The following KCNQ1 variants were observed in gnomAD, a reference collection of about 807,000 sequenced individuals.
KCNQ1 encodes the protein potassium voltage-gated channel subfamily KQT member 1.
In KCNQ1, 49 loss-of-function variants were observed where a neutral mutation model predicts 72.4. That is an observed-to-expected ratio of 0.68 (90% CI 0.54 to 0.86). The LOEUF is 0.86. Ranked by LOEUF, KCNQ1 falls within the 40% of genes least tolerant of loss-of-function variation. The pLI is 0.00. For missense variants in KCNQ1, 790 were observed against 945.1 expected (o/e 0.84, Z 2.15); for synonymous variants, 450 against 412.6 (o/e 1.09, Z -1.10).
rs116550923 is a variant in KCNQ1, at chr11:2,803,151, C to G, written c.1794+25114C>G. ...CTCAGGGTAGCCCAGAAAACCCAGC[C>G]GGGCCCCCCCCCCCACGGGCACCCA... On this transcript the variant is annotated intron_variant, in intron 15 of 15. Transcript: ENST00000155840. The surrounding 1 kb of genome is among the most constrained non-coding windows in gnomAD (Gnocchi z 6.4). Among the ~76,000 whole-genome samples, 1 of 63,676 alleles carries G rather than the reference C, an allele frequency of 1.6e-5. No homozygotes were observed. Among genetic ancestry groups the G allele is most frequent in the Non-Finnish European group, 3.5e-5 (1 of 28,578 alleles). 41.8% of individuals were successfully genotyped at this position (63,676 alleles called of 152,430 possible). A position where few individuals can be genotyped will look rare whatever the true frequency, so the allele number is the denominator to read the frequency against.
chr11:2,719,650 G>A (rs1851170239), intron 11 of KCNQ1, among the ~76,000 whole-genome samples: 1 of 152,212 alleles, frequency 6.6e-6, no homozygotes, highest in African/African-American at 2.4e-5. Context: ...CCTTGCTGGT[G>A]GTGGAAGGCC....
At chr11:2,705,670 G>A (rs369392130) in intron 11 of KCNQ1, among the ~76,000 whole-genome samples, 5 of 152,190 alleles carry the variant, frequency 3.3e-5, no homozygotes, top group African/African-American at 9.7e-5. Context: ...AGCCTGCCAG[G>A]GAAAAGTGGG....
At position 2,445,216 on chromosome 11, in the gene KCNQ1, C is replaced by T; in HGVS notation, c.118C>T (p.Leu40=). The change falls in exon 1 of 16, where the codon CTG becomes TTG. Residue 40 remains leucine (L), a synonymous_variant. Coordinates refer to ENST00000155840, the MANE Select transcript of KCNQ1 (RefSeq NM_000218.3). The stretch of plus-strand genomic sequence containing the variant: ...CAAGAAGTGCCCCTTCTCGCTGGAG[C>T]TGGCGGAGGGCGGCCCGGCGGGCGG... The part of the protein sequence containing the change: ...LAKKCPFSLE[L]AEGGPAGGAL... 1 of 1,140,602 alleles carries T rather than the reference C, an allele frequency of 8.8e-7. No homozygotes were observed. The highest frequency in any genetic ancestry group is 4.1e-5 in the Admixed American group (1 of 24,314). 70.7% of individuals were successfully genotyped at this position (1,140,602 alleles called of 1,614,324 possible).
chr11:2,833,360 C>T (rs1488805823), intron 15 of KCNQ1, among the ~76,000 whole-genome samples: 1 of 152,190 alleles, frequency 6.6e-6, no homozygotes, highest in Non-Finnish European at 1.5e-5. Flanking sequence ...CCCACATGCC[C>T]CACCCCTCTC....
chr11:2,739,673 T>C (rs1050508032), intron 11 of KCNQ1, among the ~76,000 whole-genome samples: 1 of 152,246 alleles, frequency 6.6e-6, no homozygotes, highest in African/African-American at 2.4e-5. Context: ...TCCACGGCAC[T>C]GGGCCCGCAG....
At chr11:2,786,949 G>GT (rs5789272) in intron 15 of KCNQ1, among the ~76,000 whole-genome samples, 20,441 of 120,262 alleles carry the variant, frequency 0.17, 1,760 homozygotes, top group African/African-American at 0.19. Context: ...TTTCGTTTCT[G>GT]TTTTTTTTTT....
In KCNQ1 at chr11:2,559,551, A is replaced by G. The variant is rs575156191; in HGVS notation, c.478-11077A>G. Reference sequence around the variant, plus strand: ...GGGGACCAGACGACAGCTGTCACCCACTTGCAGGGCCCGGCTGCCCGGTGG... The same window carrying G: ...GGGGACCAGACGACAGCTGTCACCCGCTTGCAGGGCCCGGCTGCCCGGTGG... On this transcript the variant is annotated intron_variant, in intron 2 of 15. Coordinates refer to ENST00000155840, the MANE Select transcript of KCNQ1 (RefSeq NM_000218.3). This position sits in a 1 kb window ranked among gnomAD's most constrained non-coding sequence, Gnocchi z 4.9. 2.8e-4 allele frequency among the ~76,000 whole-genome samples: 42 copies of G among 152,298 alleles called. No individual in the cohort carries two copies. In the South Asian group the frequency reaches 3.7e-3, roughly 14 times the overall value.
chr11:2,561,981 CAG>C (rs1014216258), intron 2 of KCNQ1, among the ~76,000 whole-genome samples: 8 of 152,184 alleles, frequency 5.3e-5, no homozygotes, highest in Non-Finnish European at 1.0e-4. Flanking sequence ...AAGGCTGCCT[CAG>C]GGTGGCACCC....
rs775005856 is a variant in KCNQ1 at position 2,775,910 on chromosome 11, A to G, written c.1591-50A>G. ...TGTCACTGCCTGCACTTTGAGCCAC[A>G]TGGCTGGGGCACAGGGAGGAGAAGT... is the stretch of plus-strand genomic sequence containing the variant. On this transcript the variant is annotated intron_variant, in intron 12 of 15. Coordinates refer to ENST00000155840, the MANE Select transcript of KCNQ1 (RefSeq NM_000218.3). 21 of 1,536,266 alleles carry G rather than the reference A, an allele frequency of 1.4e-5. No individual in the cohort carries two copies. The South Asian group carries it at 1.9e-4, about 14-fold the overall frequency.
In KCNQ1 at chr11:2,813,906, G is replaced by T. The variant is rs117267857; in HGVS notation, c.1795-33861G>T. On this transcript the variant is annotated intron_variant, in intron 15 of 15. Coordinates refer to ENST00000155840, the MANE Select transcript of KCNQ1 (RefSeq NM_000218.3). The surrounding 1 kb of genome is among the most constrained non-coding windows in gnomAD (Gnocchi z 4.4). ...AGGGATGCGTGGAAGGATGGTTGAT[G>T]GATGGATGGTTAGATGGATGAAGAG... Among the ~76,000 whole-genome samples the T allele has an allele frequency of 1.3e-5, 2 of 152,060 alleles. No individual in the cohort carries two copies. The highest frequency in any genetic ancestry group is 4.8e-5 in the African/African-American group (2 of 41,396).
At position 2,782,228 on chromosome 11, in the gene KCNQ1, T is replaced by A. The variant is rs1699779996; in HGVS notation, c.1794+4191T>A. ...CCCTGCTGAGTTCAGGCCTTTATCA[T>A]CTCTTACTTGGATTATTTTTCCAGC... On this transcript the variant is annotated intron_variant, in intron 15 of 15. Transcript: ENST00000155840. This position sits in a 1 kb window ranked among gnomAD's most constrained non-coding sequence, Gnocchi z 6.1. Among the ~76,000 whole-genome samples, 1 of 152,130 alleles carries A rather than the reference T, an allele frequency of 6.6e-6. No individual in the cohort carries two copies. Among genetic ancestry groups the A allele is most frequent in the Non-Finnish European group, 1.5e-5 (1 of 68,026 alleles).
intron 2 of KCNQ1, among the ~76,000 whole-genome samples, chr11:2,551,425 G>T (rs1399108586): frequency 6.6e-6 from 1 of 152,224 alleles, no homozygotes; most frequent in Non-Finnish European, 1.5e-5. Flanking sequence ...CCGTGTCATG[G>T]TCTCTGCATT....
Position 2,678,915 on chromosome 11 carries a change from T to C in KCNQ1, c.1514+16834T>C. ...TTCGTATACATGTATGATCATACTTTCAGGGCATCTTGGAAAAACTGAATT... is the reference window on the plus strand; with the variant it reads ...TTCGTATACATGTATGATCATACTTCCAGGGCATCTTGGAAAAACTGAATT... On this transcript the variant is annotated intron_variant, in intron 11 of 15. Transcript: ENST00000155840. The surrounding 1 kb of genome is among the most constrained non-coding windows in gnomAD (Gnocchi z 4.9). The C allele has an allele frequency of 2.5e-6, 1 of 398,614 alleles. No individual in the cohort carries two copies. Among genetic ancestry groups the C allele is most frequent in the Non-Finnish European group, 4.4e-6 (1 of 226,068 alleles). 24.7% of individuals were successfully genotyped at this position (398,614 alleles called of 1,614,324 possible).
At chr11:2,622,837 C>T in intron 10 of KCNQ1, 3 of 398,638 alleles carry the variant, frequency 7.5e-6, no homozygotes, top group Non-Finnish European at 8.8e-6. Flanking sequence ...AACTCTCCCA[C>T]CAGAGTGGCA....
chr11:2,789,340 C>T (rs761547212), intron 15 of KCNQ1, among the ~76,000 whole-genome samples: 2 of 152,194 alleles, frequency 1.3e-5, no homozygotes, highest in African/African-American at 4.8e-5. Flanking sequence ...ACTAGAAACC[C>T]GTCATCACTC....
At chr11:2,561,228 A>AAAAGAAAG (rs1848162149) in intron 2 of KCNQ1, among the ~76,000 whole-genome samples, 1 of 151,952 alleles carries the variant, frequency 6.6e-6, no homozygotes, top group Non-Finnish European at 1.5e-5. Context: ...AAAAAAGAAA[A>AAAAGAAAG]AAAAGGAACT....
At chr11:2,571,447 C>T (rs369190765) in intron 4 of KCNQ1, 44 bp downstream of exon 4, 14 of 1,541,874 alleles carry the variant, frequency 9.1e-6, no homozygotes, top group Admixed American at 3.3e-5. Context: ...CGCCCCACCC[C>T]GAGCACCCCT....
chr11:2,807,107 G>A (rs1649820232), intron 15 of KCNQ1, among the ~76,000 whole-genome samples: 1 of 152,254 alleles, frequency 6.6e-6, no homozygotes, highest in Non-Finnish European at 1.5e-5. Flanking sequence ...ACGATGAAGG[G>A]GCAGTGTTTA....
chr11:2,642,452 CTG>C lies in KCNQ1; in HGVS notation c.1394-19507_1394-19506del, dbSNP rs879593317. On this transcript the variant is annotated intron_variant, in intron 10 of 15. Coordinates refer to ENST00000155840, the MANE Select transcript of KCNQ1 (RefSeq NM_000218.3). This position sits in a 1 kb window ranked among gnomAD's most constrained non-coding sequence, Gnocchi z 4.3. ...TAAGCCTGATTTTTAAATCCTGTAA[CTG>C]TAATCAATTTATTGATCAGACTGAA... 1 of 397,992 alleles carries C rather than the reference CTG, an allele frequency of 2.5e-6. No individual in the cohort carries two copies. The highest frequency in any genetic ancestry group is 4.4e-6 in the Non-Finnish European group (1 of 225,706). The allele number at this position is 397,992 out of a possible 1,614,324, so 24.7% of individuals were successfully genotyped here. A position where few individuals can be genotyped will look rare whatever the true frequency, so the allele number is the denominator to read the frequency against.
Sources: gnomAD v4.1 joint callset for allele counts (sites outside exome capture counted in the v4.1 genomes callset) on GRCh38, gnomAD v4.1.1 for gene constraint, Gnocchi (gnomAD v3.1) non-coding constraint, MANE v1.5 for transcripts, NCBI Gene and HGNC (gene_info 2026-07-23, HGNC 2026-07-21) for gene names.